The following RANBP2 variants were observed in gnomAD, a reference collection of about 807,000 sequenced individuals.
RANBP2 encodes E3 SUMO-protein ligase RanBP2.
In RANBP2, 57 loss-of-function variants were observed where a neutral mutation model predicts 303.6. The ratio of observed to expected loss-of-function variants is 0.19; its 90% CI spans 0.15 to 0.23. The LOEUF is 0.23. Among genes scored for constraint, RANBP2 ranks in the 10% least tolerant of loss-of-function variants. The pLI, the probability that RANBP2 is intolerant of heterozygous loss-of-function variation, is 1.00. For synonymous variants in RANBP2, 1,167 were observed against 1,301.5 expected (o/e 0.90, Z 2.23); for missense variants, 3,138 against 3,780.8 (o/e 0.83, Z 4.46).
chr2:109,180,695 C>T, the RANBP2 span, among the ~76,000 whole-genome samples: 4 of 152,180 alleles, frequency 2.6e-5, no homozygotes, highest in East Asian at 1.9e-4. Flanking sequence ...ATGTGACTTG[C>T]TCCTCCTTTC....
the RANBP2 span, among the ~76,000 whole-genome samples, chr2:109,257,285 CT>C: frequency 6.6e-6 from 1 of 151,130 alleles, no homozygotes; most frequent in South Asian, 2.1e-4. Flanking sequence ...TCAGCTGTTT[CT>C]GCTTTTAAGT....
the RANBP2 span, among the ~76,000 whole-genome samples, chr2:109,017,788 C>T: frequency 6.6e-6 from 1 of 152,174 alleles, no homozygotes; most frequent in Non-Finnish European, 1.5e-5. Flanking sequence ...TCTGGGTACC[C>T]ACACCTGCAC....
the RANBP2 span, among the ~76,000 whole-genome samples, chr2:109,453,611 C>A: frequency 1.3e-5 from 2 of 152,180 alleles, no homozygotes; most frequent in African/African-American, 4.8e-5. Context: ...GTGCCCCAAT[C>A]CCTGACTCAT....
chr2:109,080,442 C>T, the RANBP2 span, among the ~76,000 whole-genome samples: 1 of 152,156 alleles, frequency 6.6e-6, no homozygotes, highest in South Asian at 2.1e-4. Flanking sequence ...GATGCCTGTT[C>T]CGAGACCAAG....
the RANBP2 span, among the ~76,000 whole-genome samples, chr2:109,629,672 A>G: frequency 2.6e-5 from 4 of 151,686 alleles, no homozygotes; most frequent in Non-Finnish European, 5.9e-5. Flanking sequence ...TTAGCCAGGC[A>G]TGGTGGTGCA....
At chr2:108,984,136 T>G in the RANBP2 span, among the ~76,000 whole-genome samples, 3 of 152,020 alleles carry the variant, frequency 2.0e-5, no homozygotes, top group East Asian at 5.8e-4. Context: ...CTTTGGCATG[T>G]GTTAACGGCC....
At chr2:109,397,707 C>T in the RANBP2 span, among the ~76,000 whole-genome samples, 6 of 152,318 alleles carry the variant, frequency 3.9e-5, no homozygotes, top group African/African-American at 1.4e-4. Flanking sequence ...CGGACCTTCC[C>T]CCAGTGGGTG....
At chr2:109,170,244 T>TCTC in the RANBP2 span, among the ~76,000 whole-genome samples, 5 of 32,966 alleles carry the variant, frequency 1.5e-4, no homozygotes, top group African/African-American at 5.4e-4. Context: ...CTTCTTTTCT[T>TCTC]TTCTCTTCTC....
the RANBP2 span, among the ~76,000 whole-genome samples, chr2:109,214,440 T>TA: frequency 5.7e-5 from 8 of 140,866 alleles, no homozygotes; most frequent in South Asian, 1.6e-3. Context: ...CCCTAGAACT[T>TA]AAAGTATTAA....
the RANBP2 span, among the ~76,000 whole-genome samples, chr2:109,317,495 C>T: frequency 0.31 from 47,417 of 151,926 alleles, 9,172 homozygotes; most frequent in African/African-American, 0.55. Context: ...AGGCATAGCT[C>T]TGGCAGCAGC....
chr2:109,264,609 G>A, the RANBP2 span, among the ~76,000 whole-genome samples: 2 of 152,262 alleles, frequency 1.3e-5, no homozygotes, highest in Non-Finnish European at 2.9e-5. Flanking sequence ...CTGACAGTTG[G>A]ATGTCAGGAG....
the RANBP2 span, chr2:108,906,229 G>T: frequency 6.7e-7 from 1 of 1,503,126 alleles, no homozygotes; most frequent in South Asian, 1.1e-5. Flanking sequence ...TCCCCTCACA[G>T]GAGCCTCAGG....
At chr2:109,409,923 A>G in the RANBP2 span, among the ~76,000 whole-genome samples, 1 of 152,090 alleles carries the variant, frequency 6.6e-6, no homozygotes, top group Non-Finnish European at 1.5e-5. Flanking sequence ...TGTTTTCTGG[A>G]CTTACATTAA....
chr2:109,519,133 G>C, the RANBP2 span, among the ~76,000 whole-genome samples: 1 of 151,996 alleles, frequency 6.6e-6, no homozygotes, highest in Non-Finnish European at 1.5e-5. Flanking sequence ...TGGTCAGGCT[G>C]GTCTTGAACT....
chr2:108,989,887 T>C, the RANBP2 span, among the ~76,000 whole-genome samples: 1 of 152,070 alleles, frequency 6.6e-6, no homozygotes, highest in Non-Finnish European at 1.5e-5. Flanking sequence ...CCTACACAGA[T>C]AAATACAGGA....
chr2:109,144,779 A>G, the RANBP2 span, among the ~76,000 whole-genome samples: 1 of 152,226 alleles, frequency 6.6e-6, no homozygotes, highest in Non-Finnish European at 1.5e-5. Flanking sequence ...TCAGTCAGGC[A>G]CCAGGCTGGA....
At chr2:109,696,720 T>C in the RANBP2 span, among the ~76,000 whole-genome samples, 3 of 152,212 alleles carry the variant, frequency 2.0e-5, no homozygotes, top group Non-Finnish European at 4.4e-5. Context: ...CTGGGGAGAA[T>C]TGACATATTA....
At chr2:108,727,277 A>G (rs13002526) in intron 1 of RANBP2, among the ~76,000 whole-genome samples, 11 of 152,266 alleles carry the variant, frequency 7.2e-5, no homozygotes, top group African/African-American at 1.7e-4. Context: ...CATATACTGG[A>G]GTTGCTAAGA....
the RANBP2 span, among the ~76,000 whole-genome samples, chr2:109,381,769 G>A: frequency 2.0e-5 from 3 of 152,080 alleles, no homozygotes; most frequent in South Asian, 4.1e-4. Context: ...CTCTCGCTTC[G>A]CAGAAGGGGA....
Sources: gnomAD v4.1 joint callset for allele counts (sites outside exome capture counted in the v4.1 genomes callset) on GRCh38, gnomAD v4.1.1 for gene constraint, MANE v1.5 for transcripts, NCBI Gene and HGNC (gene_info 2026-07-23, HGNC 2026-07-21) for gene names.